PTPRD: variants seen among roughly 807,000 people sequenced by gnomAD.
PTPRD encodes protein tyrosine phosphatase receptor type D, also known as receptor-type tyrosine-protein phosphatase delta.
In PTPRD, 34 loss-of-function variants were observed where a neutral mutation model predicts 214.5. The observed-to-expected ratio is 0.16, with a 90% CI of 0.12 to 0.21. PTPRD has a LOEUF of 0.21. Ranked by LOEUF, PTPRD falls within the 10% of genes least tolerant of loss-of-function variation. PTPRD has a pLI of 1.00. For synonymous variants in PTPRD, 1,128 were observed against 845.7 expected (o/e 1.33, Z -5.79); for missense variants, 2,545 against 2,398.7 (o/e 1.06, Z -1.27).
chr9:8,575,370 G>C (rs1055499843), intron 14 of PTPRD, among the ~76,000 whole-genome samples: 10 of 152,072 alleles, frequency 6.6e-5, no homozygotes, highest in Non-Finnish European at 1.2e-4. Context: ...CATAGAAAAA[G>C]CAGCAATTTA....
intron 5 of PTPRD, among the ~76,000 whole-genome samples, chr9:9,847,412 A>G (rs2059741293): frequency 6.6e-6 from 1 of 152,170 alleles, no homozygotes; most frequent in Admixed American, 6.6e-5. Flanking sequence ...GAAATTTTAT[A>G]CAATTGATGC....
intron 10 of PTPRD, among the ~76,000 whole-genome samples, chr9:9,098,824 A>G (rs530997465): frequency 6.6e-6 from 1 of 152,144 alleles, no homozygotes; most frequent in South Asian, 2.1e-4. Flanking sequence ...TCCTAGAGAG[A>G]CTCTTACACA....
At chr9:8,486,914 G>A (rs1045369285) in intron 27 of PTPRD, among the ~76,000 whole-genome samples, 1 of 151,946 alleles carries the variant, frequency 6.6e-6, no homozygotes, top group Non-Finnish European at 1.5e-5. Context: ...TAACAAGTGA[G>A]AAATCTATAA....
rs529841815 is a variant in PTPRD at position 10,396,931 on chromosome 9, C to T, written c.-599-55914G>A. On this transcript the variant is annotated intron_variant, in intron 2 of 45. Coordinates refer to ENST00000381196, the MANE Select transcript of PTPRD (RefSeq NM_002839.4). ...CCATACTTGAGGCCCTGGAATCAGG[C>T]TCTTAATACATACAGTCAAACAATC... 1.2e-4 allele frequency among the ~76,000 whole-genome samples: 19 copies of T among 152,054 alleles called. 1 individual carries two copies. The highest frequency in any genetic ancestry group is 4.3e-4 in the African/African-American group (18 of 41,532).
chr9:8,496,195 C>A (rs904297731), intron 26 of PTPRD, among the ~76,000 whole-genome samples: 1 of 146,518 alleles, frequency 6.8e-6, no homozygotes, highest in African/African-American at 2.5e-5. Flanking sequence ...CACACACACA[C>A]ACACACACAC....
intron 8 of PTPRD, among the ~76,000 whole-genome samples, chr9:9,567,548 A>G (rs2084960742): frequency 6.6e-6 from 1 of 152,038 alleles, no homozygotes; most frequent in African/African-American, 2.4e-5. Context: ...ACTTCATTCT[A>G]AAGTAAACTC....
chr9:9,048,081 A>G (rs1462182172), intron 10 of PTPRD, among the ~76,000 whole-genome samples: 3 of 152,204 alleles, frequency 2.0e-5, no homozygotes, highest in African/African-American at 7.2e-5. Flanking sequence ...AGAGAAATGC[A>G]AATTAAAACT....
intron 3 of PTPRD, among the ~76,000 whole-genome samples, chr9:10,211,665 G>A (rs1332303226): frequency 6.6e-6 from 1 of 152,186 alleles, no homozygotes; most frequent in African/African-American, 2.4e-5. Context: ...GGATGGAATT[G>A]TGGCTACTAC....
chr9:10,396,234 C>T (rs575117139), intron 2 of PTPRD, among the ~76,000 whole-genome samples: 1 of 152,034 alleles, frequency 6.6e-6, no homozygotes, highest in South Asian at 2.1e-4. Context: ...GAAATTAGGA[C>T]CCTCTAGACT....
At chr9:10,247,831 T>G (rs1471215977) in intron 3 of PTPRD, among the ~76,000 whole-genome samples, 1 of 152,052 alleles carries the variant, frequency 6.6e-6, no homozygotes, top group Non-Finnish European at 1.5e-5. Context: ...GAGGTGGCAA[T>G]GGGAAGTAAC....
At chr9:10,261,194 GAAAAC>G (rs888897319) in intron 3 of PTPRD, among the ~76,000 whole-genome samples, 1 of 150,840 alleles carries the variant, frequency 6.6e-6, no homozygotes, top group African/African-American at 2.4e-5. Context: ...ACAACTTGGA[GAAAAC>G]AAAACAAAAC....
chr9:9,473,427 T>C (rs1390434022), intron 8 of PTPRD, among the ~76,000 whole-genome samples: 2 of 152,204 alleles, frequency 1.3e-5, no homozygotes, highest in Non-Finnish European at 2.9e-5. Context: ...AAAACTGCAA[T>C]AAACGTGGAG....
intron 3 of PTPRD, among the ~76,000 whole-genome samples, chr9:10,109,826 A>AT (rs1020817662): frequency 9.2e-5 from 14 of 152,002 alleles, no homozygotes; most frequent in African/African-American, 3.1e-4. Context: ...CTGGTTATAT[A>AT]TTTTTTTCAT....
intron 4 of PTPRD, among the ~76,000 whole-genome samples, chr9:9,998,125 AAAAAATATATATAT>A (rs2096200888): frequency 2.1e-5 from 1 of 48,552 alleles, no homozygotes; most frequent in Non-Finnish European, 4.4e-5. Flanking sequence ...TAAAAAAAAA[AAAAAATATATATAT>A]ATATATAAAA....
intron 39 of PTPRD, among the ~76,000 whole-genome samples, chr9:8,351,708 A>G (rs1490028234): frequency 1.5e-5 from 2 of 137,136 alleles, no homozygotes; most frequent in Non-Finnish European, 3.1e-5. Flanking sequence ...GGGATATAGG[A>G]GTCATTGTAG....
chr9:8,591,350 A>G (rs1452464408), intron 14 of PTPRD, among the ~76,000 whole-genome samples: 2 of 152,140 alleles, frequency 1.3e-5, no homozygotes, highest in Non-Finnish European at 2.9e-5. Flanking sequence ...TGAAAATCAT[A>G]TTTTGCTCCT....
chr9:8,694,601 C>T (rs58655251), intron 12 of PTPRD, among the ~76,000 whole-genome samples: 14,477 of 152,208 alleles, frequency 0.095, 845 homozygotes, highest in East Asian at 0.16. Flanking sequence ...GGATTAAAAA[C>T]ACTTGTTTTC....
intron 9 of PTPRD, among the ~76,000 whole-genome samples, chr9:9,249,844 AT>A (rs1488275268): frequency 6.6e-6 from 1 of 152,114 alleles, no homozygotes; most frequent in Admixed American, 6.6e-5. Context: ...AAAAGAAAGG[AT>A]TAAATATTCT....
At chr9:8,660,381 C>G (rs1596308919) in intron 12 of PTPRD, among the ~76,000 whole-genome samples, 1 of 152,134 alleles carries the variant, frequency 6.6e-6, no homozygotes, top group South Asian at 2.1e-4. Flanking sequence ...CGTAACAGTG[C>G]TTTGAGGGTT....
Sources: allele counts gnomAD v4.1 joint callset (sites outside exome capture counted in the v4.1 genomes callset), GRCh38; gene constraint gnomAD v4.1.1; transcripts MANE v1.5; gene names NCBI Gene and HGNC (gene_info 2026-07-23, HGNC 2026-07-21).